The following ULK4 variants were observed in gnomAD, a reference collection of about 807,000 sequenced individuals.
ULK4 encodes inactive serine/threonine-protein kinase ULK4.
In ULK4, 133 loss-of-function variants were observed where a neutral mutation model predicts 160.6. That is an observed-to-expected ratio of 0.83 (90% confidence interval 0.72 to 0.96). ULK4 has a LOEUF of 0.96. ULK4 is among the 40% of genes least tolerant of loss of function. ULK4 has a pLI of 0.00. For synonymous variants in ULK4, 534 were observed against 539.8 expected, an observed-to-expected ratio of 0.99 and a Z score of 0.15; for missense variants, 1,580 against 1,499.5, an observed-to-expected ratio of 1.05 and a Z score of -0.89.
chr3:41,588,891 A>G (rs17059140), intron 31 of ULK4, among the ~76,000 whole-genome samples: 3,065 of 152,292 alleles, frequency 0.02, 106 homozygotes, highest in African/African-American at 0.07. Context: ...CTAAGACTCA[A>G]TCGCTATTTC....
At chr3:41,859,586 A>G (rs2042449040) in intron 17 of ULK4, 1 of 529,922 alleles carries the variant, frequency 1.9e-6, no homozygotes, top group African/African-American at 1.9e-5. Context: ...ATGAGGCCAT[A>G]ATATGCATGG....
At chr3:41,808,666 A>C (rs756750732) in intron 19 of ULK4, among the ~76,000 whole-genome samples, 14 of 152,236 alleles carry the variant, frequency 9.2e-5, no homozygotes, top group Non-Finnish European at 1.8e-4. Flanking sequence ...GCTATGTTTT[A>C]ATGGTGTTAA....
At chr3:41,821,866 G>C (rs2125632476) in intron 18 of ULK4, among the ~76,000 whole-genome samples, 1 of 152,188 alleles carries the variant, frequency 6.6e-6, no homozygotes, top group East Asian at 1.9e-4. Context: ...CTCTTGCTGA[G>C]TTACCAGTGA....
At chr3:41,923,155 C>T (rs1372272656) in intron 5 of ULK4, among the ~76,000 whole-genome samples, 1 of 151,376 alleles carries the variant, frequency 6.6e-6, no homozygotes, top group African/African-American at 2.4e-5. Flanking sequence ...GCAACAAGAG[C>T]AAGACTCTGT....
intron 22 of ULK4, among the ~76,000 whole-genome samples, chr3:41,728,530 A>C (rs983070585): frequency 2.0e-5 from 3 of 152,164 alleles, no homozygotes; most frequent in African/African-American, 7.2e-5. Context: ...CACCACCTCC[A>C]ACAACGCAGA....
At chr3:41,572,454 A>G (rs548622339) in intron 31 of ULK4, among the ~76,000 whole-genome samples, 2 of 152,220 alleles carry the variant, frequency 1.3e-5, no homozygotes, top group African/African-American at 4.8e-5. Context: ...GCTTCAAAAG[A>G]GCCCTCAATG....
At chr3:41,455,744 A>G (rs2083532453) in intron 33 of ULK4, 149 bp from the exon 34 acceptor site, 2 of 653,868 alleles carry the variant, frequency 3.1e-6, no homozygotes, top group Non-Finnish European at 5.3e-6. Context: ...AGGCCCCAGA[A>G]GAGATACTAT....
chr3:41,847,672 CACAA>C (rs1462423929), intron 17 of ULK4, among the ~76,000 whole-genome samples: 2 of 152,162 alleles, frequency 1.3e-5, no homozygotes, highest in African/African-American at 4.8e-5. Context: ...CTTTCAATGA[CACAA>C]ACAGAGCTAG....
intron 34 of ULK4, among the ~76,000 whole-genome samples, chr3:41,403,983 T>G (rs1261300675): frequency 6.6e-6 from 1 of 152,194 alleles, no homozygotes; most frequent in Non-Finnish European, 1.5e-5. Context: ...TAATATTTCT[T>G]GAAGTTGCTT....
At chr3:41,273,268 A>G (rs1039208624) in intron 35 of ULK4, among the ~76,000 whole-genome samples, 1 of 152,128 alleles carries the variant, frequency 6.6e-6, no homozygotes, top group Non-Finnish European at 1.5e-5. Flanking sequence ...GCAGTGCTCA[A>G]TCTAGGACAA....
chr3:41,372,194 G>A lies in ULK4; in HGVS notation c.3678+25885C>T, dbSNP rs562127402. On this transcript the variant is annotated intron_variant, in intron 35 of 36. Coordinates refer to ENST00000301831, the MANE Select transcript of ULK4 (RefSeq NM_017886.4). ...TTGGTGTACCTGAAAGCGATGGAAA[G>A]AATGGAACCAAGTTGGAAAACACTC... Among the ~76,000 whole-genome samples the A allele has an allele frequency of 2.0e-5, 3 of 152,252 alleles. No homozygotes were observed. In the East Asian group the frequency reaches 5.8e-4, roughly 29 times the overall value.
intron 17 of ULK4, among the ~76,000 whole-genome samples, chr3:41,851,480 A>C (rs941354076): frequency 5.3e-5 from 8 of 152,296 alleles, no homozygotes; most frequent in South Asian, 4.1e-4. Flanking sequence ...TCGGTTTGCC[A>C]GTATTTTATT....
intron 30 of ULK4, among the ~76,000 whole-genome samples, chr3:41,620,430 G>C (rs2125689754): frequency 6.6e-6 from 1 of 152,242 alleles, no homozygotes; most frequent in East Asian, 1.9e-4. Context: ...GATCAAGTTG[G>C]CTTCATCCCT....
chr3:41,559,431 G>T (rs939899399), intron 32 of ULK4, among the ~76,000 whole-genome samples: 9 of 148,762 alleles, frequency 6.0e-5, no homozygotes, highest in Admixed American at 5.5e-4. Flanking sequence ...TCTAGTTCTA[G>T]ATCCTTGAGG....
chr3:41,492,684 T>C (rs1289277932), intron 32 of ULK4, among the ~76,000 whole-genome samples: 2 of 151,774 alleles, frequency 1.3e-5, no homozygotes, highest in Non-Finnish European at 2.9e-5. Context: ...AGGAGACCCA[T>C]CTCATGTGCA....
chr3:41,382,906 T>G lies in ULK4; in HGVS notation c.3678+15173A>C, dbSNP rs114250064. 2.0e-3 allele frequency among the ~76,000 whole-genome samples: 309 copies of G among 152,208 alleles called. 1 individual carries two copies. The highest frequency in any genetic ancestry group is 7.2e-3 in the African/African-American group (299 of 41,566). On this transcript the variant is annotated intron_variant, in intron 35 of 36. Transcript: ENST00000301831. ...ATTCCTATGAACATAATGTGGATAT[T>G]TGTTATTGTTTATTTCAATTAATGG...
chr3:41,865,472 G>T (rs1024584852), intron 17 of ULK4, among the ~76,000 whole-genome samples: 1 of 151,850 alleles, frequency 6.6e-6, no homozygotes, highest in Non-Finnish European at 1.5e-5. Context: ...AAGTAAAAAA[G>T]ATGACCATTT....
intron 20 of ULK4, among the ~76,000 whole-genome samples, chr3:41,791,447 G>A (rs1189410274): frequency 6.6e-6 from 1 of 152,164 alleles, no homozygotes; most frequent in East Asian, 1.9e-4. Context: ...TTATGAAAAT[G>A]CTAAGATGAC....
At chr3:41,752,530 C>A (rs1024001227) in intron 22 of ULK4, among the ~76,000 whole-genome samples, 3 of 149,092 alleles carry the variant, frequency 2.0e-5, no homozygotes, top group African/African-American at 7.8e-5. Context: ...AAATTCCACA[C>A]CCCTCAATTG....
Sources: gnomAD v4.1 joint callset for allele counts (sites outside exome capture counted in the v4.1 genomes callset) on GRCh38, gnomAD v4.1.1 for gene constraint, MANE v1.5 for transcripts, NCBI Gene and HGNC (gene_info 2026-07-23, HGNC 2026-07-21) for gene names.